The following ZNF500 variants were observed in gnomAD, a reference collection of about 807,000 sequenced individuals.
ZNF500 encodes zinc finger protein with KRAB and SCAN domains 18.
Under a neutral mutation model 30.1 loss-of-function variants are expected in ZNF500, and 31 were observed. That is an observed-to-expected ratio of 1.03 (90% CI 0.77 to 1.39). The LOEUF is 1.39. Ranked by LOEUF, ZNF500 falls within the 40% of genes most tolerant of loss-of-function variation. The pLI is 0.00. For missense variants in ZNF500, 817 were observed against 657.8 expected (o/e 1.24, Z -2.65); for synonymous variants, 392 against 282.0 (o/e 1.39, Z -3.91).
chr16:4,766,843 C>CG (rs1017710337), intron 1 of ZNF500, 174 bp downstream of exon 1: 1 of 152,302 alleles, frequency 6.6e-6, no homozygotes, highest in Non-Finnish European at 1.5e-5. Context: ...CGACAGCCCC[C>CG]CAATTCCAGG....
At chr16:4,755,681 A>G (rs2082128280) in intron 5 of ZNF500, among the ~76,000 whole-genome samples, 2 of 152,188 alleles carry the variant, frequency 1.3e-5, no homozygotes, top group South Asian at 4.1e-4. Context: ...GAGTCATTAT[A>G]TGAGCCAATG....
At chr16:4,747,300 G>T, downstream of ZNF500, 1 of 1,518,136 alleles carries the variant, frequency 6.6e-7, no homozygotes, top group Non-Finnish European at 8.8e-7. Flanking sequence ...TGGGAGGGGC[G>T]GCCCCCACGG....
Position 4,750,441 on chromosome 16 carries a change from CCTCA to C in ZNF500, c.*1931_*1934del, listed in dbSNP as rs1289372388. On this transcript the variant is annotated 3_prime_UTR_variant, in exon 6 of 6. Coordinates refer to ENST00000219478, the MANE Select transcript of ZNF500 (RefSeq NM_021646.4). ...TTCCTGGGCTCAAGTGATCCTCCAGCCTCAGCCTCTCAAGTAGCTGGGACTACAG... is the reference window on the plus strand; with the variant it reads ...TTCCTGGGCTCAAGTGATCCTCCAGCGCCTCTCAAGTAGCTGGGACTACAG... The C allele has an allele frequency of 6.6e-6, 1 of 152,282 alleles. No individual in the cohort carries two copies. The highest frequency in any genetic ancestry group is 1.5e-5 in the Non-Finnish European group (1 of 68,108). The allele number at this position is 152,282 out of a possible 1,614,324, so 9.4% of individuals were successfully genotyped here.
rs1286236835 is a variant in ZNF500 at position 4,751,870 on chromosome 16, T to C, written c.*506A>G. On this transcript the variant is annotated 3_prime_UTR_variant, in exon 6 of 6. Coordinates refer to ENST00000219478, the MANE Select transcript of ZNF500 (RefSeq NM_021646.4). ...CTGCAGTGAGCTATGATCATGGCAC[T>C]GTATTCCCGCCTGGGGGACACAGCA... is the stretch of plus-strand genomic sequence containing the variant. 3 of 336,994 alleles carry C rather than the reference T, an allele frequency of 8.9e-6. No individual in the cohort carries two copies. The highest frequency in any genetic ancestry group is 7.5e-5 in the African/African-American group (3 of 40,206). The allele number at this position is 336,994 out of a possible 1,614,324, so 20.9% of individuals were successfully genotyped here. A position where few individuals can be genotyped will look rare whatever the true frequency, so the allele number is the denominator to read the frequency against.
In ZNF500 at chr16:4,767,093, T is replaced by A; in HGVS notation, c.-175A>T. ...CTCGGCGGGAGTAGGACTGCGGGCCTCAGGCTTGGCAGCCAGGGACGCCAG... is the reference window on the plus strand; with the variant it reads ...CTCGGCGGGAGTAGGACTGCGGGCCACAGGCTTGGCAGCCAGGGACGCCAG... On this transcript the variant is annotated 5_prime_UTR_variant, in exon 1 of 6. Coordinates refer to ENST00000219478, the MANE Select transcript of ZNF500 (RefSeq NM_021646.4). The A allele has an allele frequency of 6.6e-6, 1 of 152,434 alleles. No individual in the cohort carries two copies. Among genetic ancestry groups the A allele is most frequent in the Non-Finnish European group, 1.5e-5 (1 of 68,128 alleles). The allele number at this position is 152,434 out of a possible 1,614,324, so 9.4% of individuals were successfully genotyped here.
intron 5 of ZNF500, among the ~76,000 whole-genome samples, chr16:4,754,422 G>C (rs929550060): frequency 1.3e-5 from 2 of 152,098 alleles, no homozygotes; most frequent in African/African-American, 4.8e-5. Flanking sequence ...CACTTTGGGA[G>C]GCCGAGGAAG....
In ZNF500 at chr16:4,762,409, GC is replaced by G; in HGVS notation, c.599-75del. On this transcript the variant is annotated intron_variant, in intron 3 of 5. Coordinates refer to ENST00000219478, the MANE Select transcript of ZNF500 (RefSeq NM_021646.4). ...CCCCTGCCGTCCCCTGCACACCAAG[GC>G]CCCAACAGCCCGGCGGCTGCCCACC... 5.9e-6 allele frequency: 9 copies of G among 1,529,222 alleles called. No homozygotes were observed. In the Admixed American group the frequency reaches 1.8e-4, roughly 30 times the overall value. 94.7% of individuals were successfully genotyped at this position (1,529,222 alleles called of 1,614,324 possible).
rs1267677291 is a variant in ZNF500, at chr16:4,751,932, G to A, written c.*444C>T. 2.6e-6 allele frequency: 1 copy of A among 384,278 alleles called. No individual in the cohort carries two copies. The highest frequency in any genetic ancestry group is 4.0e-6 in the Non-Finnish European group (1 of 250,558). The allele number at this position is 384,278 out of a possible 1,614,324, so 23.8% of individuals were successfully genotyped here. Reference sequence around the variant, plus strand: ...CAAAAAAAAAAGGGGGGGGGAGCAGGTGGGGGGTACACACAGAGACAGCGC... The same window carrying A: ...CAAAAAAAAAAGGGGGGGGGAGCAGATGGGGGGTACACACAGAGACAGCGC... On this transcript the variant is annotated 3_prime_UTR_variant, in exon 6 of 6. Transcript: ENST00000219478.
downstream of ZNF500, chr16:4,746,696 T>A (rs567335842): frequency 2.3e-5 from 20 of 886,412 alleles, no homozygotes; most frequent in Admixed American, 6.1e-5. Context: ...AAGAGGGGCA[T>A]GAGGCACACC....
In ZNF500 at chr16:4,752,752, A is replaced by G; in HGVS notation, c.1067T>C (p.Leu356Pro). Residue 356 changes from leucine to proline, a missense_variant, in exon 6 of 6, where the codon CTA becomes CCA. Physicochemically the swap from Leu to Pro is moderately conservative, Grantham distance 98. Transcript: ENST00000219478. ...THTGERPYKCLVCGKGFSDRS... is the reference protein window; with the variant it reads ...THTGERPYKCPVCGKGFSDRS... ...GTCGCTAAAGCCCTTCCCACAGACT[A>G]GGCACTTGTAAGGCCGCTCGCCCGT... 1 of 1,614,146 alleles carries G rather than the reference A, an allele frequency of 6.2e-7. No homozygotes were observed.
chr16:4,747,750 C>T, downstream of ZNF500: 1 of 1,293,440 alleles, frequency 7.7e-7, no homozygotes, highest in Non-Finnish European at 1.0e-6. Flanking sequence ...AGGCAGGGAC[C>T]CTCAGACTTT....
intron 5 of ZNF500, among the ~76,000 whole-genome samples, chr16:4,757,745 G>A (rs770356200): frequency 2.0e-5 from 3 of 151,692 alleles, no homozygotes; most frequent in Non-Finnish European, 4.4e-5. Context: ...TGGGACTACA[G>A]ATGAGTACCA....
chr16:4,764,053 A>AGT lies in ZNF500; in HGVS notation c.415-1299_415-1298dup, dbSNP rs1434186052. The AGT allele has an allele frequency of 7.1e-6, 7 of 985,296 alleles. No individual in the cohort carries two copies. In the African/African-American group the frequency reaches 1.2e-4, roughly 17 times the overall value. 61.0% of individuals were successfully genotyped at this position (985,296 alleles called of 1,614,324 possible). A position where few individuals can be genotyped will look rare whatever the true frequency, so the allele number is the denominator to read the frequency against. On this transcript the variant is annotated intron_variant, in intron 2 of 5. Transcript: ENST00000219478. Reference sequence around the variant, plus strand: ...AACTGAAACTGAAGCAGCAGGAATGAGTAAGAGGCTTCCTCTACTCCTTCA... The same window carrying AGT: ...AACTGAAACTGAAGCAGCAGGAATGAGTGTAAGAGGCTTCCTCTACTCCTTCA...
intron 5 of ZNF500, among the ~76,000 whole-genome samples, chr16:4,757,409 C>G (rs1174453625): frequency 6.6e-6 from 1 of 151,764 alleles, no homozygotes; most frequent in Non-Finnish European, 1.5e-5. Flanking sequence ...ACCCCCCAAG[C>G]TCAAGTGTTC....
chr16:4,752,768 G>A lies in ZNF500; in HGVS notation c.1051C>T (p.Arg351Trp), dbSNP rs991739831. The A allele has an allele frequency of 8.1e-6, 13 of 1,614,080 alleles. No individual in the cohort carries two copies. The highest frequency in any genetic ancestry group is 4.0e-5 in the African/African-American group (3 of 74,930). The change falls in exon 6 of 6, where the codon CGG becomes TGG. Residue 351 changes from arginine (R) to tryptophan (W), a missense_variant. Physicochemically the swap from Arg to Trp is moderately radical, Grantham distance 101. Transcript: ENST00000219478. The stretch of plus-strand genomic sequence containing the variant: ...CCACAGACTAGGCACTTGTAAGGCC[G>A]CTCGCCCGTGTGTGTGCGCTGGTGC... Reference protein sequence around the residue: ...TKHQRTHTGERPYKCLVCGKG... With the variant: ...TKHQRTHTGEWPYKCLVCGKG...
At chr16:4,747,825 A>G (rs1252042650), downstream of ZNF500, among the ~76,000 whole-genome samples, 1 of 152,136 alleles carries the variant, frequency 6.6e-6, no homozygotes, top group Non-Finnish European at 1.5e-5. Flanking sequence ...GGATGCAGAT[A>G]CAAATCTGTA....
At chr16:4,746,848 C>T, downstream of ZNF500, 1 of 1,322,200 alleles carries the variant, frequency 7.6e-7, no homozygotes, top group Non-Finnish European at 1.0e-6. Flanking sequence ...CCAGCAAAGC[C>T]CGAGTGCTTC....
At chr16:4,760,382 G>A (rs1049726336) in intron 5 of ZNF500, 110 bp downstream of exon 5, 4 of 995,490 alleles carry the variant, frequency 4.0e-6, no homozygotes, top group Non-Finnish European at 4.6e-6. Context: ...CCCTGTCCAC[G>A]GAGGATCGCC....
At chr16:4,760,405 GACC>G (rs2082184683) in intron 5 of ZNF500, 84 bp downstream of exon 5, 1 of 1,308,250 alleles carries the variant, frequency 7.6e-7, no homozygotes, top group Non-Finnish European at 1.1e-6. Context: ...AGGCCAACTG[GACC>G]AACAGAACCA....
Sources: allele counts gnomAD v4.1 joint callset (sites outside exome capture counted in the v4.1 genomes callset), GRCh38; gene constraint gnomAD v4.1.1; transcripts MANE v1.5; gene names NCBI Gene and HGNC (gene_info 2026-07-23, HGNC 2026-07-21).